IRAK2: variants seen among roughly 807,000 people sequenced by gnomAD.
IRAK2 encodes the protein interleukin-1 receptor-associated kinase-like 2.
In IRAK2, 57 loss-of-function variants were observed where a neutral mutation model predicts 72.0. The observed-to-expected ratio is 0.79, with a 90% CI of 0.64 to 0.99. The LOEUF (loss-of-function observed/expected upper bound fraction) is 0.99. Among genes scored for constraint, IRAK2 ranks in the 50% least tolerant of loss-of-function variants. The pLI, the probability that IRAK2 is intolerant of heterozygous loss-of-function variation, is 0.00. For synonymous variants in IRAK2, 293 were observed against 312.7 expected, an observed-to-expected ratio of 0.94 and a Z score of 0.67; for missense variants, 790 against 794.4, an observed-to-expected ratio of 0.99 and a Z score of 0.07.
At chr3:10,171,313 A>G (rs373792062) in intron 1 of IRAK2, among the ~76,000 whole-genome samples, 2 of 152,082 alleles carry the variant, frequency 1.3e-5, no homozygotes, top group African/African-American at 2.4e-5. Context: ...GCAGGTGACT[A>G]TCTCTCTCTG....
intron 6 of IRAK2, 142 bp downstream of exon 6, chr3:10,213,690 C>T (rs1697558837): frequency 3.0e-6 from 2 of 663,882 alleles, no homozygotes; most frequent in African/African-American, 3.6e-5. Context: ...CTACTATTAT[C>T]ACATTATTTT....
chr3:10,231,423 C>T (rs1447130270), intron 10 of IRAK2, among the ~76,000 whole-genome samples: 1 of 152,052 alleles, frequency 6.6e-6, no homozygotes, highest in Non-Finnish European at 1.5e-5. Flanking sequence ...TCCCATGTAG[C>T]TGGGATCACA....
intron 11 of IRAK2, among the ~76,000 whole-genome samples, chr3:10,237,370 G>A (rs1697979332): frequency 1.3e-5 from 2 of 152,168 alleles, no homozygotes; most frequent in South Asian, 2.1e-4. Context: ...AGCTGGGTCA[G>A]GGACTGGAAG....
In IRAK2 at chr3:10,238,769, G is replaced by A; in HGVS notation, c.1495G>A (p.Val499Met). ...LQEVCGSVAA[V>M]EERLRGRETL... ...AAAGGTGTGTGGCTCTGTGGCTGCT[G>A]TGGAAGAGCGGCTCCGAGGTCGGGA... The change falls in exon 12 of 13, where the codon GTG becomes ATG. Residue 499 changes from valine to methionine, a missense_variant. Physicochemically the swap from Val to Met is conservative, Grantham distance 21. Transcript: ENST00000256458. The A allele has an allele frequency of 6.2e-7, 1 of 1,614,148 alleles. No homozygotes were observed.
Position 10,240,185 on chromosome 3 carries a change from A to T in IRAK2, c.1765+1146A>T, listed in dbSNP as rs546518583. 1.4e-3 allele frequency among the ~76,000 whole-genome samples: 195 copies of T among 143,502 alleles called. 4 individuals carry two copies. The highest frequency in any genetic ancestry group is 5.0e-3 in the African/African-American group (191 of 38,348). 94.1% of individuals were successfully genotyped at this position (143,502 alleles called of 152,430 possible). A position where few individuals can be genotyped will look rare whatever the true frequency, so the allele number is the denominator to read the frequency against. ...AAGAAGATACTTTCTGGCTGGGCGC[A>T]GTGGCTCACGCCTGTAATCCCAGCA... On this transcript the variant is annotated intron_variant, in intron 12 of 12. Coordinates refer to ENST00000256458, the MANE Select transcript of IRAK2 (RefSeq NM_001570.4).
intron 10 of IRAK2, among the ~76,000 whole-genome samples, chr3:10,229,124 A>G (rs548724259): frequency 9.2e-5 from 14 of 152,036 alleles, no homozygotes; most frequent in African/African-American, 3.1e-4. Context: ...TTTAGTAGTG[A>G]CAGGGTTTTG....
At chr3:10,185,391 C>T (rs928644894) in intron 2 of IRAK2, among the ~76,000 whole-genome samples, 2 of 150,260 alleles carry the variant, frequency 1.3e-5, no homozygotes, top group Admixed American at 1.3e-4. Flanking sequence ...AACCCTGTCT[C>T]TACTAAAAAC....
rs575109421 is a variant in IRAK2, at chr3:10,168,662, C to T, written c.94+3614C>T. Among the ~76,000 whole-genome samples, 27 of 152,300 alleles carry T rather than the reference C, an allele frequency of 1.8e-4. No homozygotes were observed. In the East Asian group the frequency reaches 2.3e-3, roughly 13 times the overall value. On this transcript the variant is annotated intron_variant, in intron 1 of 12. Transcript: ENST00000256458. ...ACATCTTCTTTGGAGAATACCTCTG[C>T]GAGGCTCCCCACTGGGATGGATATG... is the stretch of plus-strand genomic sequence containing the variant.
intron 6 of IRAK2, among the ~76,000 whole-genome samples, chr3:10,214,391 CTTTTTTT>C (rs534445139): frequency 1.9e-4 from 18 of 95,410 alleles, no homozygotes; most frequent in South Asian, 1.1e-3. Context: ...TCATTTTTTG[CTTTTTTT>C]TTTTTTTTTT....
intron 2 of IRAK2, among the ~76,000 whole-genome samples, chr3:10,193,653 C>G (rs1697211900): frequency 2.6e-5 from 4 of 152,298 alleles, no homozygotes; most frequent in Middle Eastern, 3.4e-3. Flanking sequence ...CAGACTCTGT[C>G]TGAGAACTGC....
At chr3:10,230,360 C>T (rs371994964) in intron 10 of IRAK2, among the ~76,000 whole-genome samples, 3 of 151,706 alleles carry the variant, frequency 2.0e-5, no homozygotes, top group Non-Finnish European at 2.9e-5. Context: ...TTCTTTGTCA[C>T]GAAGGCTGGA....
chr3:10,213,084 A>T, intron 4 of IRAK2, 123 bp from the exon 5 acceptor site: 1 of 817,724 alleles, frequency 1.2e-6, no homozygotes, highest in Non-Finnish European at 1.9e-6. Context: ...TGTCCTTTTT[A>T]CAGTTTCCAT....
Position 10,213,319 on chromosome 3 carries a change from G to A in IRAK2, c.641G>A (p.Arg214His), listed in dbSNP as rs764907843. 5.6e-6 allele frequency: 9 copies of A among 1,614,086 alleles called. No homozygotes were observed. The East Asian group carries it at 6.7e-5, about 12-fold the overall frequency. The change falls in exon 5 of 13, where the codon CGC becomes CAC. Residue 214 changes from arginine (R) to histidine (H), a missense_variant. Arg to His is a conservative substitution (Grantham distance 29). Coordinates refer to ENST00000256458, the MANE Select transcript of IRAK2 (RefSeq NM_001570.4). ...GCAACCGATGACTTCAATCAAAACC[G>A]CAAAATCAGCCAGGGGACCTTTGCT... ...VQATDDFNQN[R>H]KISQGTFADV...
At chr3:10,226,550 GTTGCAT>G in intron 10 of IRAK2, 117 bp downstream of exon 10, 1 of 758,888 alleles carries the variant, frequency 1.3e-6, no homozygotes, top group Non-Finnish European at 2.2e-6. Flanking sequence ...CCGGTACAAG[GTTGCAT>G]TTGCATCCCC....
At chr3:10,173,717 TG>T (rs1268561918) in intron 1 of IRAK2, among the ~76,000 whole-genome samples, 2 of 152,100 alleles carry the variant, frequency 1.3e-5, no homozygotes. Context: ...CCCAGCTACT[TG>T]GGAGGCTGAG....
chr3:10,184,808 C>T (rs1217755181), intron 2 of IRAK2, among the ~76,000 whole-genome samples: 1 of 146,112 alleles, frequency 6.8e-6, no homozygotes, highest in Non-Finnish European at 1.5e-5. Flanking sequence ...CGGCTCACTG[C>T]AAGCTCCGCC....
At chr3:10,227,508 A>G (rs550912445) in intron 10 of IRAK2, among the ~76,000 whole-genome samples, 3 of 152,202 alleles carry the variant, frequency 2.0e-5, no homozygotes, top group African/African-American at 7.2e-5. Context: ...TCCATACATT[A>G]TCTACCTAAA....
Position 10,184,723 on chromosome 3 carries a change from GTTTTTTTTTT to G in IRAK2, c.277+6718_277+6727del, listed in dbSNP as rs55839723. Among the ~76,000 whole-genome samples, 143 of 102,018 alleles carry G rather than the reference GTTTTTTTTTT, an allele frequency of 1.4e-3. 1 individual carries two copies. In the East Asian group the frequency reaches 0.014, roughly 10 times the overall value. The allele number at this position is 102,018 out of a possible 152,430, so 66.9% of individuals were successfully genotyped here. On this transcript the variant is annotated intron_variant, in intron 2 of 12. Coordinates refer to ENST00000256458, the MANE Select transcript of IRAK2 (RefSeq NM_001570.4). ...CTGTTTTTTTGTGGAGTTTTTGTGTGTTTTTTTTTTTTTTTTTTTTTTTTGAGACGGAGCC... is the reference window on the plus strand; with the variant it reads ...CTGTTTTTTTGTGGAGTTTTTGTGTGTTTTTTTTTTTTTTGAGACGGAGCC...
chr3:10,202,410 T>G (rs1326427993), intron 3 of IRAK2, among the ~76,000 whole-genome samples: 1 of 151,982 alleles, frequency 6.6e-6, no homozygotes, highest in Non-Finnish European at 1.5e-5. Flanking sequence ...GATCACGAGG[T>G]CAGGAGATCA....
Sources: allele counts gnomAD v4.1 joint callset (sites outside exome capture counted in the v4.1 genomes callset), GRCh38; gene constraint gnomAD v4.1.1; transcripts MANE v1.5; gene names NCBI Gene and HGNC (gene_info 2026-07-23, HGNC 2026-07-21).